Variants in PLD1 observed in about 807,000 individuals in gnomAD.
The protein encoded by PLD1 is phospholipase D1.
PLD1 carries 112 observed loss-of-function variants against 137.1 expected under a neutral mutation model. The ratio of observed to expected loss-of-function variants is 0.82; its 90% CI spans 0.70 to 0.96. PLD1 has a LOEUF of 0.96. Ranked by LOEUF, PLD1 falls within the 40% of genes least tolerant of loss-of-function variation. PLD1 has a pLI of 0.00. For synonymous variants in PLD1, 431 were observed against 454.7 expected, an observed-to-expected ratio of 0.95 and a Z score of 0.66; for missense variants, 1,321 against 1,342.0, an observed-to-expected ratio of 0.98 and a Z score of 0.24.
chr3:171,604,526 C>T (rs993153395), intron 26 of PLD1, among the ~76,000 whole-genome samples: 4 of 151,906 alleles, frequency 2.6e-5, no homozygotes, highest in African/African-American at 9.7e-5. Context: ...CACAGATGGT[C>T]AATTAGTCTG....
intron 25 of PLD1, among the ~76,000 whole-genome samples, chr3:171,609,540 ACACACACACACAC>A (rs1444400960): frequency 4.1e-5 from 6 of 146,828 alleles, no homozygotes; most frequent in African/African-American, 1.6e-4. Flanking sequence ...ACACACACAC[ACACACACACACAC>A]ACCAGAGAAA....
At position 171,739,606 on chromosome 3, in the gene PLD1, C is replaced by T. The variant is rs556121017; in HGVS notation, c.-31-1524G>A. On this transcript the variant is annotated intron_variant, in intron 1 of 26. Transcript: ENST00000351298. ...AGTTACTAATGTTTAGAATGCACCT[C>T]GCTGGTGATAATTGTTTACATACAT... Among the ~76,000 whole-genome samples, 128 of 152,240 alleles carry T rather than the reference C, an allele frequency of 8.4e-4. 1 individual carries two copies. Among genetic ancestry groups the T allele is most frequent in the Middle Eastern group, 3.4e-3 (1 of 294 alleles).
At chr3:171,660,195 A>G (rs1737550374) in intron 20 of PLD1, among the ~76,000 whole-genome samples, 1 of 152,264 alleles carries the variant, frequency 6.6e-6, no homozygotes, top group African/African-American at 2.4e-5. Flanking sequence ...CCTTTGTGGC[A>G]TTATCATTTT....
chr3:171,640,748 C>T (rs1049384202), intron 23 of PLD1, among the ~76,000 whole-genome samples: 5 of 152,122 alleles, frequency 3.3e-5, no homozygotes, highest in African/African-American at 7.2e-5. Flanking sequence ...TGCCCTGGGC[C>T]GTTGCACACA....
intron 1 of PLD1, among the ~76,000 whole-genome samples, chr3:171,774,793 G>T (rs941129237): frequency 5.9e-5 from 9 of 152,232 alleles, no homozygotes; most frequent in African/African-American, 1.9e-4. Flanking sequence ...TAGGGACAAG[G>T]AGGAAGGGCA....
intron 19 of PLD1, among the ~76,000 whole-genome samples, chr3:171,670,640 G>A (rs1052936976): frequency 3.3e-5 from 5 of 152,184 alleles, no homozygotes; most frequent in African/African-American, 4.8e-5. Flanking sequence ...GAGTTCATCA[G>A]TGATGTCCTA....
intron 8 of PLD1, among the ~76,000 whole-genome samples, chr3:171,719,433 C>G (rs1021696397): frequency 2.0e-5 from 3 of 152,240 alleles, no homozygotes; most frequent in African/African-American, 7.2e-5. Context: ...TATCTTCTAG[C>G]AGCCCAGAGC....
chr3:171,603,090 C>T lies in PLD1; in HGVS notation c.3213G>A (p.Glu1071=). The T allele has an allele frequency of 6.2e-7, 1 of 1,612,728 alleles. No individual in the cohort carries two copies. Among genetic ancestry groups the T allele is most frequent in the Non-Finnish European group, 8.5e-7 (1 of 1,179,056 alleles). The change falls in exon 27 of 27, where the codon GAG becomes GAA. Residue 1071 remains glutamate (E), a synonymous_variant. Coordinates refer to ENST00000351298, the MANE Select transcript of PLD1 (RefSeq NM_002662.5). ...CAATGAATATCTCTTAAGTCCAAACCTCCATGGGCACTATGGCCTCTTTGG... is the reference window on the plus strand; with the variant it reads ...CAATGAATATCTCTTAAGTCCAAACTTCCATGGGCACTATGGCCTCTTTGG... ...VGTKEAIVPM[E]VWT is the part of the protein sequence containing the mutation.
chr3:171,694,237 A>G (rs2108526717), intron 12 of PLD1, among the ~76,000 whole-genome samples: 1 of 152,230 alleles, frequency 6.6e-6, no homozygotes, highest in East Asian at 1.9e-4. Flanking sequence ...TGCTCTAAAA[A>G]AAGCAGGATC....
intron 2 of PLD1, 75 bp downstream of exon 2, chr3:171,737,817 G>C (rs765515491): frequency 1.2e-4 from 173 of 1,483,958 alleles, no homozygotes; most frequent in Non-Finnish European, 1.5e-4. Context: ...TCATTTGCTG[G>C]TTACTTCAAA....
chr3:171,742,968 T>C (rs57369545), intron 1 of PLD1, among the ~76,000 whole-genome samples: 3,199 of 152,310 alleles, frequency 0.021, 123 homozygotes, highest in African/African-American at 0.074. Flanking sequence ...ACATTGCTTC[T>C]GCAAATATTA....
intron 19 of PLD1, among the ~76,000 whole-genome samples, chr3:171,663,403 C>T (rs1180733498): frequency 6.6e-6 from 1 of 152,142 alleles, no homozygotes; most frequent in Non-Finnish European, 1.5e-5. Context: ...CCTCTTTGTG[C>T]CTCAGATTTT....
At chr3:171,763,452 G>C (rs1224519717) in intron 1 of PLD1, among the ~76,000 whole-genome samples, 1 of 21,102 alleles carries the variant, frequency 4.7e-5, no homozygotes, top group African/African-American at 2.4e-4. Context: ...AGAGAAAGAG[G>C]AGGGGAGGGG....
chr3:171,682,150 A>C (rs1311521407), intron 16 of PLD1, among the ~76,000 whole-genome samples: 3 of 76,494 alleles, frequency 3.9e-5, no homozygotes, highest in African/African-American at 1.3e-4. Flanking sequence ...GAAAGAAAGA[A>C]AGAAAGAAAG....
chr3:171,607,317 T>C (rs981847094), intron 25 of PLD1, among the ~76,000 whole-genome samples: 3 of 152,196 alleles, frequency 2.0e-5, no homozygotes, highest in African/African-American at 7.2e-5. Context: ...AGTCAATTAT[T>C]ATAATACCTT....
intron 1 of PLD1, among the ~76,000 whole-genome samples, chr3:171,786,310 C>A (rs1723010534): frequency 1.3e-5 from 2 of 152,126 alleles, no homozygotes; most frequent in South Asian, 4.2e-4. Flanking sequence ...TTATCCCTGG[C>A]TGAACTAATA....
rs1373742967 is a variant in PLD1, at chr3:171,600,925, AC to A, written c.*2152del. On this transcript the variant is annotated 3_prime_UTR_variant, in exon 27 of 27. Transcript: ENST00000351298. The stretch of plus-strand genomic sequence containing the variant: ...AAGCACTGGTCCAGGCTCTGGGGAT[AC>A]ACTATGAACAAAATACAGTGAAGTC... 4 of 152,208 alleles carry A rather than the reference AC, an allele frequency of 2.6e-5. No homozygotes were observed. The highest frequency in any genetic ancestry group is 9.7e-5 in the African/African-American group (4 of 41,438). 9.4% of individuals were successfully genotyped at this position (152,208 alleles called of 1,614,324 possible). A position where few individuals can be genotyped will look rare whatever the true frequency, so the allele number is the denominator to read the frequency against.
chr3:171,792,733 TAC>T (rs1190699403), intron 1 of PLD1: 1 of 456,544 alleles, frequency 2.2e-6, no homozygotes, highest in Admixed American at 2.3e-5. Flanking sequence ...GCAGGGCACA[TAC>T]CAGGTTCCAG....
At chr3:171,628,114 CAA>C (rs1211545931) in intron 23 of PLD1, among the ~76,000 whole-genome samples, 6 of 151,776 alleles carry the variant, frequency 4.0e-5, no homozygotes, top group Admixed American at 6.6e-5. Flanking sequence ...AGACCGCTAG[CAA>C]GACTAATAAA....
Sources: gnomAD v4.1 joint callset for allele counts (sites outside exome capture counted in the v4.1 genomes callset) on GRCh38, gnomAD v4.1.1 for gene constraint, MANE v1.5 for transcripts, NCBI Gene and HGNC (gene_info 2026-07-23, HGNC 2026-07-21) for gene names.